CORIN: variants seen among roughly 807,000 people sequenced by gnomAD.
CORIN encodes corin, serine peptidase.
Under a neutral mutation model 125.3 loss-of-function variants are expected in CORIN, and 117 were observed. The ratio of observed to expected loss-of-function variants is 0.93; its 90% CI spans 0.80 to 1.09. CORIN has a LOEUF of 1.09. Ranked by LOEUF, CORIN falls within the 50% of genes least tolerant of loss-of-function variation. The probability of loss-of-function intolerance (pLI) is 0.00; values close to 1 mark genes in which losing one functional copy is unlikely to be tolerated. For synonymous variants in CORIN, 450 were observed against 466.4 expected, an observed-to-expected ratio of 0.96 and a Z score of 0.45; for missense variants, 1,253 against 1,306.7, an observed-to-expected ratio of 0.96 and a Z score of 0.63.
intron 5 of CORIN, among the ~76,000 whole-genome samples, chr4:47,726,174 T>C (rs1208384482): frequency 6.6e-6 from 1 of 152,100 alleles, no homozygotes; most frequent in Non-Finnish European, 1.5e-5. Flanking sequence ...TGCAAAATGA[T>C]ACAGCCACTC....
chr4:47,636,503 T>C (rs572418404), intron 16 of CORIN, among the ~76,000 whole-genome samples: 1 of 152,314 alleles, frequency 6.6e-6, no homozygotes, highest in East Asian at 1.9e-4. Flanking sequence ...AAATCTCATC[T>C]TGAATTGTAA....
In CORIN at chr4:47,654,479, G is replaced by A. The variant is rs377191698; in HGVS notation, c.1736-819C>T. ...AACACCACCCCTCCCCCATTCCCCA[G>A]CAAGAGCTGCATAGCACAGAGAATC... is the stretch of plus-strand genomic sequence containing the variant. On this transcript the variant is annotated intron_variant, in intron 12 of 21. Transcript: ENST00000273857. Among the ~76,000 whole-genome samples, 5 of 152,230 alleles carry A rather than the reference G, an allele frequency of 3.3e-5. No homozygotes were observed. In the East Asian group the frequency reaches 7.7e-4, roughly 24 times the overall value.
intron 19 of CORIN, among the ~76,000 whole-genome samples, chr4:47,605,707 GTGATTCTC>G (rs957922758): frequency 6.6e-5 from 10 of 152,126 alleles, no homozygotes; most frequent in African/African-American, 2.4e-4. Context: ...CTTTAAAATA[GTGATTCTC>G]TGGGCGTCAC....
chr4:47,694,786 G>C (rs1725911064), intron 5 of CORIN, among the ~76,000 whole-genome samples: 1 of 152,120 alleles, frequency 6.6e-6, no homozygotes, highest in Non-Finnish European at 1.5e-5. Flanking sequence ...CTGGCACTCA[G>C]GAGGTTCTCG....
At chr4:47,619,275 A>G (rs972918058) in intron 19 of CORIN, among the ~76,000 whole-genome samples, 1 of 152,182 alleles carries the variant, frequency 6.6e-6, no homozygotes, top group African/African-American at 2.4e-5. Context: ...AGCAAAACAA[A>G]CTTGTCTTTT....
intron 3 of CORIN, among the ~76,000 whole-genome samples, chr4:47,782,397 A>G (rs145565692): frequency 1.8e-4 from 28 of 151,970 alleles, no homozygotes; most frequent in African/African-American, 6.3e-4. Context: ...GAAAAAAAAA[A>G]AAAAAGAAAG....
chr4:47,646,345 A>G (rs1274391465), intron 13 of CORIN, among the ~76,000 whole-genome samples: 3 of 152,172 alleles, frequency 2.0e-5, no homozygotes, highest in African/African-American at 7.2e-5. Context: ...TGCAAAAGCT[A>G]TTACTTTATG....
intron 16 of CORIN, among the ~76,000 whole-genome samples, chr4:47,627,339 C>A (rs1722621113): frequency 1.3e-5 from 2 of 152,114 alleles, no homozygotes; most frequent in African/African-American, 4.8e-5. Flanking sequence ...TGGACAAAAA[C>A]TTCCCCTAAC....
At chr4:47,725,699 T>C (rs1342192507) in intron 5 of CORIN, among the ~76,000 whole-genome samples, 1 of 152,070 alleles carries the variant, frequency 6.6e-6, no homozygotes, top group Non-Finnish European at 1.5e-5. Flanking sequence ...TTTATGCAGT[T>C]GAGATAAGTA....
chr4:47,838,032 AC>A lies in CORIN; in HGVS notation c.-84del. 1 of 1,585,162 alleles carries A rather than the reference AC, an allele frequency of 6.3e-7. No individual in the cohort carries two copies. The highest frequency in any genetic ancestry group is 8.5e-7 in the Non-Finnish European group (1 of 1,173,454). On this transcript the variant is annotated 5_prime_UTR_variant, in exon 1 of 22. Coordinates refer to ENST00000273857, the MANE Select transcript of CORIN (RefSeq NM_006587.4). ...TCTACGTGTCCCCCGGGGAGGCACT[AC>A]GGATGATTTTCTCCAAGCTCAAGAG...
rs143076108 is a variant in CORIN at position 47,811,561 on chromosome 4, C to A, written c.64-4514G>T. 2.6e-5 allele frequency among the ~76,000 whole-genome samples: 4 copies of A among 152,174 alleles called. No individual in the cohort carries two copies. In the East Asian group the frequency reaches 5.8e-4, roughly 22 times the overall value. On this transcript the variant is annotated intron_variant, in intron 1 of 21. Coordinates refer to ENST00000273857, the MANE Select transcript of CORIN (RefSeq NM_006587.4). The stretch of plus-strand genomic sequence containing the variant: ...CTGGGGGGTGCACCTACTTGAATAC[C>A]CCTGACCAAAGGTGAGTCCTCATCT...
intron 10 of CORIN, among the ~76,000 whole-genome samples, chr4:47,667,479 T>C (rs1724533100): frequency 6.6e-6 from 1 of 152,186 alleles, no homozygotes; most frequent in African/African-American, 2.4e-5. Context: ...AAAGACTCCA[T>C]GCCTTATTGA....
intron 19 of CORIN, among the ~76,000 whole-genome samples, chr4:47,622,470 T>G (rs1265430188): frequency 6.7e-6 from 1 of 149,898 alleles, no homozygotes; most frequent in Non-Finnish European, 1.5e-5. Context: ...CCACCAACAG[T>G]GTAAAAGTGT....
intron 14 of CORIN, among the ~76,000 whole-genome samples, chr4:47,644,141 A>T (rs948509122): frequency 2.0e-5 from 3 of 152,192 alleles, no homozygotes; most frequent in Non-Finnish European, 4.4e-5. Context: ...TTCTAACTAC[A>T]CAAAGACTCC....
At chr4:47,813,689 T>C (rs1187921290) in intron 1 of CORIN, among the ~76,000 whole-genome samples, 1 of 152,206 alleles carries the variant, frequency 6.6e-6, no homozygotes, top group African/African-American at 2.4e-5. Flanking sequence ...TTTTATTAAA[T>C]ACCAAAATTA....
At position 47,632,966 on chromosome 4, in the gene CORIN, G is replaced by T. The variant is rs189513955; in HGVS notation, c.2199-6445C>A. Among the ~76,000 whole-genome samples the T allele has an allele frequency of 3.4e-3, 516 of 152,188 alleles. 2 individuals carry two copies. The highest frequency in any genetic ancestry group is 3.6e-3 in the Non-Finnish European group (248 of 68,016). Reference sequence around the variant, plus strand: ...CGGCTAATTTTTGTACTTTTTGGTGGAGGTGGGGTTTCATTATGTTGCCCA... The same window carrying T: ...CGGCTAATTTTTGTACTTTTTGGTGTAGGTGGGGTTTCATTATGTTGCCCA... On this transcript the variant is annotated intron_variant, in intron 16 of 21. Coordinates refer to ENST00000273857, the MANE Select transcript of CORIN (RefSeq NM_006587.4).
intron 5 of CORIN, 106 bp from the exon 6 acceptor site, chr4:47,693,189 T>G: frequency 1.3e-6 from 1 of 758,618 alleles, no homozygotes; most frequent in East Asian, 2.7e-5. Flanking sequence ...ATTCAACAGA[T>G]TTGTTTCCAA....
chr4:47,813,458 C>A (rs1308601617), intron 1 of CORIN, among the ~76,000 whole-genome samples: 1 of 152,166 alleles, frequency 6.6e-6, no homozygotes, highest in Non-Finnish European at 1.5e-5. Flanking sequence ...AATATGCACT[C>A]AGAGAAATTG....
At chr4:47,632,757 A>AGATAGATAGATAGATAGAT (rs1219555317) in intron 16 of CORIN, among the ~76,000 whole-genome samples, 5,670 of 136,856 alleles carry the variant, frequency 0.041, 160 homozygotes, top group East Asian at 0.16. Context: ...ATAGATAGAT[A>AGATAGATAGATAGATAGAT]GATAGATAGA....
Sources: gnomAD v4.1 joint callset for allele counts (sites outside exome capture counted in the v4.1 genomes callset) on GRCh38, gnomAD v4.1.1 for gene constraint, MANE v1.5 for transcripts, NCBI Gene and HGNC (gene_info 2026-07-23, HGNC 2026-07-21) for gene names.